The following PDE7B variants were observed in gnomAD, a reference collection of about 807,000 sequenced individuals.
PDE7B encodes phosphodiesterase 7B.
PDE7B carries 29 observed loss-of-function variants against 56.2 expected under a neutral mutation model. The ratio of observed to expected loss-of-function variants is 0.52; its 90% confidence interval spans 0.38 to 0.70. PDE7B has a LOEUF of 0.70. Ranked by LOEUF, PDE7B falls within the 30% of genes least tolerant of loss-of-function variation. PDE7B has a pLI of 0.00. For missense variants in PDE7B, 490 were observed against 565.0 expected (o/e 0.87, Z 1.35); for synonymous variants, 197 against 196.9 (o/e 1.00, Z 0.00).
At chr6:136,008,800 T>C (rs1279051315) in intron 2 of PDE7B, among the ~76,000 whole-genome samples, 2 of 152,256 alleles carry the variant, frequency 1.3e-5, no homozygotes, top group South Asian at 2.1e-4. Context: ...TTCACTCTGA[T>C]GGTAGTTTCT....
chr6:136,087,502 A>G (rs1246692570), intron 2 of PDE7B, among the ~76,000 whole-genome samples: 3 of 152,216 alleles, frequency 2.0e-5, no homozygotes, highest in Admixed American at 6.5e-5. Flanking sequence ...TTCCCCCAAA[A>G]TTTATTCTGA....
chr6:135,861,658 A>C (rs1306786594), intron 1 of PDE7B, among the ~76,000 whole-genome samples: 1 of 151,618 alleles, frequency 6.6e-6, no homozygotes, highest in African/African-American at 2.4e-5. Context: ...TAATAATTTT[A>C]GAATTAACTT....
At chr6:136,074,851 C>T (rs149863251) in intron 2 of PDE7B, among the ~76,000 whole-genome samples, 7 of 152,228 alleles carry the variant, frequency 4.6e-5, no homozygotes, top group Admixed American at 6.5e-5. Context: ...AAGTTGCTTC[C>T]GTATCTTGGC....
intron 8 of PDE7B, among the ~76,000 whole-genome samples, chr6:136,169,010 G>C: frequency 6.6e-6 from 1 of 152,118 alleles, no homozygotes; most frequent in Admixed American, 6.5e-5. Context: ...GAGGCAGCAA[G>C]GGCTGTATGC....
At chr6:136,004,041 G>A (rs1775725754) in intron 2 of PDE7B, among the ~76,000 whole-genome samples, 1 of 152,040 alleles carries the variant, frequency 6.6e-6, no homozygotes, top group African/African-American at 2.4e-5. Context: ...TGCAAGGCTG[G>A]TTCAATATAC....
At position 135,902,823 on chromosome 6, in the gene PDE7B, T is replaced by C. The variant is rs76187242; in HGVS notation, c.22-44641T>C. Among the ~76,000 whole-genome samples the C allele has an allele frequency of 1.8e-3, 270 of 152,292 alleles. 1 individual carries two copies. Among genetic ancestry groups the C allele is most frequent in the African/African-American group, 6.1e-3 (253 of 41,578 alleles). ...TGACTAGAAGAAGAAAAATAGCTAA[T>C]AGAAATGTAGCTGTTAGTATATAAT... On this transcript the variant is annotated intron_variant, in intron 1 of 12. Transcript: ENST00000308191.
At chr6:136,031,090 T>C (rs1776239733) in intron 2 of PDE7B, among the ~76,000 whole-genome samples, 1 of 152,262 alleles carries the variant, frequency 6.6e-6, no homozygotes, top group Non-Finnish European at 1.5e-5. Flanking sequence ...TGAGAGTATT[T>C]GGCCTGCGCC....
intron 2 of PDE7B, among the ~76,000 whole-genome samples, chr6:136,068,504 G>C (rs563073977): frequency 2.6e-3 from 370 of 143,018 alleles, no homozygotes; most frequent in African/African-American, 9.1e-3. Flanking sequence ...GATCTCGGCT[G>C]ACTGCAAGCT....
chr6:136,095,958 A>C (rs549738204), intron 2 of PDE7B: 1 of 152,246 alleles, frequency 6.6e-6, no homozygotes, highest in Non-Finnish European at 1.5e-5. Context: ...ATTCTATAAC[A>C]TGGGTATAAT....
At chr6:136,140,948 ACC>A (rs1778314147) in intron 3 of PDE7B, among the ~76,000 whole-genome samples, 1 of 151,918 alleles carries the variant, frequency 6.6e-6, no homozygotes, top group Non-Finnish European at 1.5e-5. Context: ...CTGATTGAAT[ACC>A]CTTTATTTCC....
intron 2 of PDE7B, among the ~76,000 whole-genome samples, chr6:136,077,962 A>C (rs1339887802): frequency 6.6e-6 from 1 of 152,198 alleles, no homozygotes; most frequent in Non-Finnish European, 1.5e-5. Flanking sequence ...TCCTGATTCT[A>C]ATCTCATCCC....
At chr6:136,132,139 C>CAA (rs1212286255) in intron 3 of PDE7B, among the ~76,000 whole-genome samples, 1 of 152,106 alleles carries the variant, frequency 6.6e-6, no homozygotes, top group Non-Finnish European at 1.5e-5. Context: ...CCGACCTCTA[C>CAA]AATTTTTTCA....
chr6:136,042,845 C>T (rs375382062), intron 2 of PDE7B, among the ~76,000 whole-genome samples: 6 of 152,330 alleles, frequency 3.9e-5, no homozygotes, highest in Admixed American at 6.5e-5. Context: ...GTATACCAGG[C>T]ACTGTGCTAG....
At chr6:135,998,096 G>A (rs964067399) in intron 2 of PDE7B, among the ~76,000 whole-genome samples, 2 of 152,084 alleles carry the variant, frequency 1.3e-5, no homozygotes, top group South Asian at 4.1e-4. Context: ...ATTAACTGAT[G>A]TAATGTATTT....
At chr6:135,874,717 A>G (rs550478580) in intron 1 of PDE7B, among the ~76,000 whole-genome samples, 11 of 152,206 alleles carry the variant, frequency 7.2e-5, no homozygotes, top group Non-Finnish European at 1.3e-4. Context: ...AACAGTGATT[A>G]TATGTAGTCA....
chr6:135,981,289 T>TG (rs1203789308), intron 2 of PDE7B, among the ~76,000 whole-genome samples: 1 of 55,022 alleles, frequency 1.8e-5, no homozygotes, highest in Non-Finnish European at 3.2e-5. Flanking sequence ...TGTTGTGGGG[T>TG]GGGGGGAGGG....
At chr6:135,898,722 C>G (rs1259528667) in intron 1 of PDE7B, among the ~76,000 whole-genome samples, 3 of 152,036 alleles carry the variant, frequency 2.0e-5, no homozygotes, top group Non-Finnish European at 2.9e-5. Context: ...TAATCTGTCT[C>G]CTATCATTGG....
At chr6:135,863,576 C>G (rs1280026218) in intron 1 of PDE7B, among the ~76,000 whole-genome samples, 3 of 151,772 alleles carry the variant, frequency 2.0e-5, no homozygotes, top group Non-Finnish European at 4.4e-5. Context: ...TATAATGGCT[C>G]CATAAGGGAG....
intron 2 of PDE7B, among the ~76,000 whole-genome samples, chr6:135,990,245 G>A (rs903661715): frequency 1.3e-5 from 2 of 151,908 alleles, no homozygotes; most frequent in African/African-American, 4.8e-5. Flanking sequence ...ACAGGTGCCC[G>A]CCACCACACC....
Sources: allele counts gnomAD v4.1 joint callset (sites outside exome capture counted in the v4.1 genomes callset), GRCh38; gene constraint gnomAD v4.1.1; transcripts MANE v1.5; gene names NCBI Gene and HGNC (gene_info 2026-07-23, HGNC 2026-07-21).